The following PBX1 variants were observed in gnomAD, a reference collection of about 807,000 sequenced individuals.
PBX1 encodes PBX homeobox 1, also known as pre-B-cell leukemia transcription factor 1.
Under a neutral mutation model 53.4 loss-of-function variants are expected in PBX1, and 6 were observed. That is an observed-to-expected ratio of 0.11 (90% confidence interval 0.06 to 0.22). PBX1 has a LOEUF of 0.22. Ranked by LOEUF, PBX1 falls within the 10% of genes least tolerant of loss-of-function variation. The pLI, the probability that PBX1 is intolerant of heterozygous loss-of-function variation, is 1.00. For missense variants in PBX1, 251 were observed against 551.4 expected, an observed-to-expected ratio of 0.46 and a Z score of 5.46; for synonymous variants, 204 against 212.3, an observed-to-expected ratio of 0.96 and a Z score of 0.34.
chr1:164,748,832 A>G (rs991418199), intron 2 of PBX1, among the ~76,000 whole-genome samples: 2 of 152,118 alleles, frequency 1.3e-5, no homozygotes, highest in Admixed American at 6.6e-5. Context: ...ACCGCATGGG[A>G]CTAGGATGGG....
At chr1:164,669,425 C>T (rs1660995666) in intron 2 of PBX1, among the ~76,000 whole-genome samples, 1 of 152,110 alleles carries the variant, frequency 6.6e-6, no homozygotes, top group South Asian at 2.1e-4. Flanking sequence ...CTCCCAAATC[C>T]ACAGAGGACA....
chr1:164,834,350 T>C (rs1670924424), intron 8 of PBX1, among the ~76,000 whole-genome samples: 1 of 150,382 alleles, frequency 6.6e-6, no homozygotes, highest in Non-Finnish European at 1.5e-5. Context: ...TTCTTTCTTT[T>C]TTTTTTTTTT....
chr1:164,817,625 T>A (rs1421881696), intron 6 of PBX1: 2 of 152,244 alleles, frequency 1.3e-5, no homozygotes. Flanking sequence ...TATATGCATA[T>A]TTATCTCTGT....
At chr1:164,789,091 T>A (rs561232233) in intron 2 of PBX1, among the ~76,000 whole-genome samples, 1 of 152,342 alleles carries the variant, frequency 6.6e-6, no homozygotes, top group East Asian at 1.9e-4. Context: ...CAGTATGCTT[T>A]ATGCTTTAAG....
intron 2 of PBX1, among the ~76,000 whole-genome samples, chr1:164,881,137 G>A (rs1672636967): frequency 6.6e-6 from 1 of 152,186 alleles, no homozygotes; most frequent in African/African-American, 2.4e-5. Flanking sequence ...CTCCCACCAT[G>A]AGCCTAATCC....
chr1:164,848,589 T>A lies in PBX1; in HGVS notation c.*1913T>A, dbSNP rs1169376714. ...ACAAAGAGAAGAGTTATTGTTGATC[T>A]TCTTGGTTTTGGTCTGTCTCTTTTC... is the stretch of plus-strand genomic sequence containing the variant. On this transcript the variant is annotated 3_prime_UTR_variant, in exon 9 of 9. Coordinates refer to ENST00000420696, the MANE Select transcript of PBX1 (RefSeq NM_002585.4). The A allele has an allele frequency of 3.4e-5, 36 of 1,058,650 alleles. No individual in the cohort carries two copies. The highest frequency in any genetic ancestry group is 3.9e-5 in the Non-Finnish European group (34 of 875,232). 65.6% of individuals were successfully genotyped at this position (1,058,650 alleles called of 1,614,324 possible). A position where few individuals can be genotyped will look rare whatever the true frequency, so the allele number is the denominator to read the frequency against.
intron 3 of PBX1, among the ~76,000 whole-genome samples, chr1:164,799,234 T>TA (rs1271133776): frequency 6.6e-6 from 1 of 152,190 alleles, no homozygotes; most frequent in Non-Finnish European, 1.5e-5. Context: ...CTCACGCCTG[T>TA]AATCCCAGCA....
At position 164,560,031 on chromosome 1, in the gene PBX1, C is replaced by T. The variant is rs1652914084; in HGVS notation, c.191+18C>T. On this transcript the variant is annotated intron_variant, in intron 1 of 8. Coordinates refer to ENST00000420696, the MANE Select transcript of PBX1 (RefSeq NM_002585.4). Reference sequence around the variant, plus strand: ...CAGGCCAGGTGAGATGGAGGCTTTTCTTTTCCTTTCTTGGGGTTTTTTGTT... The same window carrying T: ...CAGGCCAGGTGAGATGGAGGCTTTTTTTTTCCTTTCTTGGGGTTTTTTGTT... 7.5e-7 allele frequency: 1 copy of T among 1,340,264 alleles called. No individual in the cohort carries two copies. Among genetic ancestry groups the T allele is most frequent in the African/African-American group, 1.5e-5 (1 of 65,248 alleles). The allele number at this position is 1,340,264 out of a possible 1,614,324, so 83.0% of individuals were successfully genotyped here. A position where few individuals can be genotyped will look rare whatever the true frequency, so the allele number is the denominator to read the frequency against.
intron 2 of PBX1, among the ~76,000 whole-genome samples, chr1:164,755,712 G>A (rs912160856): frequency 2.0e-5 from 3 of 152,260 alleles, no homozygotes; most frequent in Non-Finnish European, 1.5e-5. Context: ...GTGTGATGTG[G>A]CACTTTGCAG....
At chr1:164,651,322 G>A (rs759078087) in intron 2 of PBX1, among the ~76,000 whole-genome samples, 22 of 152,088 alleles carry the variant, frequency 1.4e-4, no homozygotes, top group South Asian at 2.1e-4. Flanking sequence ...TGCATTGTGC[G>A]GACGGGGAAA....
At chr1:164,783,915 A>T (rs2102280902) in intron 2 of PBX1, among the ~76,000 whole-genome samples, 1 of 152,362 alleles carries the variant, frequency 6.6e-6, no homozygotes, top group East Asian at 1.9e-4. Context: ...TCAAGGCTAA[A>T]GAGTATTGAG....
intron 2 of PBX1, among the ~76,000 whole-genome samples, chr1:164,869,933 G>A (rs984327697): frequency 6.6e-6 from 1 of 152,144 alleles, no homozygotes; most frequent in African/African-American, 2.4e-5. Flanking sequence ...TTCAAGGAAC[G>A]GCATGGAGGC....
chr1:164,791,949 C>T (rs1332109432), intron 2 of PBX1, among the ~76,000 whole-genome samples: 6 of 151,980 alleles, frequency 3.9e-5, no homozygotes, highest in African/African-American at 1.2e-4. Context: ...CTCAGCCTCC[C>T]GAGTAGCTGG....
In PBX1 at chr1:164,858,137, A is replaced by G. The variant is rs566783267; in HGVS notation, n.257+26654A>G. 1.1e-4 allele frequency among the ~76,000 whole-genome samples: 16 copies of G among 152,190 alleles called. 1 individual carries two copies. The East Asian group carries it at 2.9e-3, about 28-fold the overall frequency. ...AAAGTTCTTGTCATCTCCCAGCTCA[A>G]TCAGTGTGCTTGCCATCATTTCTTA... is the stretch of plus-strand genomic sequence containing the variant. On this transcript the variant is annotated intron_variant and non_coding_transcript_variant, in intron 2 of 2. Transcript: ENST00000558796.
At chr1:164,646,639 A>T (rs1425069587) in intron 2 of PBX1, among the ~76,000 whole-genome samples, 2 of 152,176 alleles carry the variant, frequency 1.3e-5, no homozygotes, top group Non-Finnish European at 2.9e-5. Flanking sequence ...AAAGTCACAC[A>T]TACCTGTGTA....
Position 164,655,115 on chromosome 1 carries a change from T to TA in PBX1, c.265+91804_265+91805insA, listed in dbSNP as rs1553225085. Reference sequence around the variant, plus strand: ...TCTGATGTGTGTTTTTTTTTTTTTTTTATTTTTATTTTTTTAAGACGGAAT... The same window carrying TA: ...TCTGATGTGTGTTTTTTTTTTTTTTTATATTTTTATTTTTTTAAGACGGAAT... On this transcript the variant is annotated intron_variant, in intron 2 of 8. Transcript: ENST00000420696. Among the ~76,000 whole-genome samples the TA allele has an allele frequency of 9.2e-3, 1,267 of 137,242 alleles. 22 individuals are homozygous for TA. Among genetic ancestry groups the TA allele is most frequent in the African/African-American group, 0.033 (1,226 of 37,448 alleles). 90.0% of individuals were successfully genotyped at this position (137,242 alleles called of 152,430 possible).
At chr1:164,636,063 G>T (rs1780338) in intron 2 of PBX1, among the ~76,000 whole-genome samples, 1 of 151,904 alleles carries the variant, frequency 6.6e-6, no homozygotes, top group Non-Finnish European at 1.5e-5. Context: ...GCCTGGTCTG[G>T]GTAAATGGGC....
downstream of PBX1, among the ~76,000 whole-genome samples, chr1:164,855,504 C>T (rs1329200393): frequency 1.3e-5 from 2 of 152,124 alleles, no homozygotes; most frequent in Non-Finnish European, 2.9e-5. Context: ...ACTTGGTAGG[C>T]ATTTGAACCA....
intron 2 of PBX1, among the ~76,000 whole-genome samples, chr1:164,612,327 C>A (rs1274781780): frequency 1.3e-5 from 2 of 152,102 alleles, no homozygotes; most frequent in African/African-American, 4.8e-5. Context: ...ATTTCAAATG[C>A]GTCGCCATTG....
Sources: allele counts gnomAD v4.1 joint callset (sites outside exome capture counted in the v4.1 genomes callset), GRCh38; gene constraint gnomAD v4.1.1; transcripts MANE v1.5; gene names NCBI Gene and HGNC (gene_info 2026-07-23, HGNC 2026-07-21).